Variants in RBM47 observed in about 807,000 individuals in gnomAD.
RBM47 encodes RNA-binding protein 47.
RBM47 carries 21 observed loss-of-function variants against 47.1 expected under a neutral mutation model. The ratio of observed to expected loss-of-function variants is 0.45; its 90% CI spans 0.32 to 0.64. The LOEUF (loss-of-function observed/expected upper bound fraction) is 0.64, where lower values mean the gene tolerates loss of function less well. RBM47 is among the 30% of genes least tolerant of loss of function. The pLI is 0.05. For missense variants in RBM47, 708 were observed against 870.9 expected (o/e 0.81, Z 2.35); for synonymous variants, 375 against 361.7 (o/e 1.04, Z -0.42).
At position 40,628,489 on chromosome 4, in the gene RBM47, T is replaced by C. The variant is rs1171269108; in HGVS notation, c.-240+907A>G. Among the ~76,000 whole-genome samples, 3 of 152,240 alleles carry C rather than the reference T, an allele frequency of 2.0e-5. No homozygotes were observed. The highest frequency in any genetic ancestry group is 4.1e-4 in the South Asian group (2 of 4,836). On this transcript the variant is annotated intron_variant, in intron 1 of 6. Coordinates refer to ENST00000295971, the MANE Select transcript of RBM47 (RefSeq NM_001098634.2). This position sits in a 1 kb window ranked among gnomAD's most constrained non-coding sequence, Gnocchi z 4.0. ...CAATTCTCAAATGCTCTGGATCTAATTGCCAACCTTTTGAGCTCAAAACTT... is the reference window on the plus strand; with the variant it reads ...CAATTCTCAAATGCTCTGGATCTAACTGCCAACCTTTTGAGCTCAAAACTT...
chr4:40,574,945 G>T (rs1250649066), intron 1 of RBM47, among the ~76,000 whole-genome samples: 2 of 152,042 alleles, frequency 1.3e-5, no homozygotes, highest in South Asian at 2.1e-4. Context: ...AATCAGTTTG[G>T]GTCAATTCCC....
chr4:40,497,509 C>T (rs1051831393), intron 2 of RBM47, among the ~76,000 whole-genome samples: 5 of 151,874 alleles, frequency 3.3e-5, no homozygotes, highest in Admixed American at 2.6e-4. Flanking sequence ...GTTCCAGCTA[C>T]TCGGGAGGCT....
At chr4:40,550,722 T>A (rs536110344) in intron 1 of RBM47, among the ~76,000 whole-genome samples, 20 of 152,066 alleles carry the variant, frequency 1.3e-4, no homozygotes, top group Non-Finnish European at 2.8e-4. Flanking sequence ...CCTGGCCCTA[T>A]CATATGTAAA....
Position 40,432,694 on chromosome 4 carries a change from G to C in RBM47, c.1499C>G (p.Ala500Gly). The C allele has an allele frequency of 6.3e-7, 1 of 1,599,024 alleles. No homozygotes were observed. Among genetic ancestry groups the C allele is most frequent in the Non-Finnish European group, 8.5e-7 (1 of 1,172,686 alleles). Reference protein sequence around the residue: ...AAAAAAAAAAAAAVIPTVSTP... With the variant: ...AAAAAAAAAAGAAVIPTVSTP... ...CGACACAGTGGGAATGACAGCGGCTGCGGCGGCTGCGGCCGCGGCTGCGGC... is the reference window on the plus strand; with the variant it reads ...CGACACAGTGGGAATGACAGCGGCTCCGGCGGCTGCGGCCGCGGCTGCGGC... The change falls in exon 6 of 7, where the codon GCA becomes GGA. Residue 500 changes from alanine to glycine, a missense_variant. Coordinates refer to ENST00000295971, the MANE Select transcript of RBM47 (RefSeq NM_001098634.2).
In RBM47 at chr4:40,591,843, G is replaced by A. The variant is rs573385878; in HGVS notation, c.-240+37553C>T. On this transcript the variant is annotated intron_variant, in intron 1 of 6. Coordinates refer to ENST00000295971, the MANE Select transcript of RBM47 (RefSeq NM_001098634.2). Reference sequence around the variant, plus strand: ...GCCTTTTAGAGAGGGCACAGGACACGTACAAGTGAAGACATATGGCAGAAA... The same window carrying A: ...GCCTTTTAGAGAGGGCACAGGACACATACAAGTGAAGACATATGGCAGAAA... Among the ~76,000 whole-genome samples, 19 of 152,276 alleles carry A rather than the reference G, an allele frequency of 1.2e-4. No homozygotes were observed. In the South Asian group the frequency reaches 1.9e-3, roughly 15 times the overall value.
intron 1 of RBM47, among the ~76,000 whole-genome samples, chr4:40,569,558 C>T (rs1160659414): frequency 1.3e-5 from 2 of 150,424 alleles, no homozygotes; most frequent in Non-Finnish European, 3.0e-5. Flanking sequence ...TACAGGCGCC[C>T]ACCACCACAC....
chr4:40,557,910 C>T (rs1730252823), intron 1 of RBM47, among the ~76,000 whole-genome samples: 1 of 152,204 alleles, frequency 6.6e-6, no homozygotes, highest in South Asian at 2.1e-4. Flanking sequence ...ATATGTTGCT[C>T]AGTGACCTGT....
intron 2 of RBM47, among the ~76,000 whole-genome samples, chr4:40,469,373 A>G (rs1018558919): frequency 6.6e-6 from 1 of 151,914 alleles, no homozygotes; most frequent in Non-Finnish European, 1.5e-5. Context: ...CTTAGGGTCA[A>G]TGTTTGTTTC....
intron 2 of RBM47, among the ~76,000 whole-genome samples, chr4:40,540,864 C>T (rs1329407642): frequency 1.3e-5 from 2 of 151,080 alleles, no homozygotes; most frequent in East Asian, 3.9e-4. Flanking sequence ...TCCATATAAC[C>T]TAAATGTCAA....
chr4:40,434,982 T>C (rs1050814880), intron 5 of RBM47, among the ~76,000 whole-genome samples: 6 of 152,076 alleles, frequency 3.9e-5, no homozygotes, highest in Non-Finnish European at 7.4e-5. Flanking sequence ...TTTCCATGTG[T>C]TTGGATGCTT....
intron 3 of RBM47, among the ~76,000 whole-genome samples, chr4:40,461,703 CG>C (rs1259548149): frequency 1.3e-5 from 2 of 152,096 alleles, no homozygotes; most frequent in Admixed American, 6.6e-5. Context: ...CTGAGATGGG[CG>C]GATCACCTGA....
chr4:40,445,744 T>C (rs1714445646), intron 3 of RBM47, among the ~76,000 whole-genome samples: 1 of 152,240 alleles, frequency 6.6e-6, no homozygotes, highest in African/African-American at 2.4e-5. Context: ...TAAAAGCCCA[T>C]ATACCATCAG....
At chr4:40,478,605 T>G (rs565442546) in intron 2 of RBM47, among the ~76,000 whole-genome samples, 1 of 152,238 alleles carries the variant, frequency 6.6e-6, no homozygotes, top group Non-Finnish European at 1.5e-5. Flanking sequence ...TCAGATAGGA[T>G]CTATTAAGGC....
intron 1 of RBM47, among the ~76,000 whole-genome samples, chr4:40,573,795 G>GAAAGAAA (rs1553903525): frequency 7.1e-4 from 36 of 51,046 alleles, no homozygotes; most frequent in African/African-American, 4.6e-3. Flanking sequence ...GAGAGAGAGA[G>GAAAGAAA]AGAAAGAAAG....
chr4:40,576,112 C>G (rs1167466843), intron 1 of RBM47, among the ~76,000 whole-genome samples: 2 of 152,228 alleles, frequency 1.3e-5, no homozygotes, highest in African/African-American at 4.8e-5. Flanking sequence ...CTTTCCTCAC[C>G]TCCTCCTGGG....
At chr4:40,484,993 CTTTT>C (rs368591791) in intron 2 of RBM47, among the ~76,000 whole-genome samples, 4 of 151,070 alleles carry the variant, frequency 2.6e-5, no homozygotes, top group Non-Finnish European at 5.9e-5. Context: ...AAGATTGTCT[CTTTT>C]TTTTTGTTTG....
At chr4:40,500,081 G>A (rs1471560958) in intron 2 of RBM47, among the ~76,000 whole-genome samples, 1 of 152,234 alleles carries the variant, frequency 6.6e-6, no homozygotes, top group Non-Finnish European at 1.5e-5. Context: ...GTGGGAGGCC[G>A]AGGCGGGTGG....
chr4:40,435,910 G>C (rs1712260724), intron 5 of RBM47, among the ~76,000 whole-genome samples: 1 of 150,104 alleles, frequency 6.7e-6, no homozygotes, highest in African/African-American at 2.5e-5. Flanking sequence ...TCTAATCCCA[G>C]CACTTTGGGA....
intron 3 of RBM47, among the ~76,000 whole-genome samples, chr4:40,464,805 G>A (rs1332185616): frequency 6.7e-6 from 1 of 148,278 alleles, no homozygotes; most frequent in Non-Finnish European, 1.5e-5. Context: ...GCAGGAGAAT[G>A]GCGTGAACCC....
Sources: gnomAD v4.1 joint callset for allele counts (sites outside exome capture counted in the v4.1 genomes callset) on GRCh38, gnomAD v4.1.1 for gene constraint, Gnocchi (gnomAD v3.1) non-coding constraint, MANE v1.5 for transcripts, NCBI Gene and HGNC (gene_info 2026-07-23, HGNC 2026-07-21) for gene names.